RPAIN: variants seen among roughly 807,000 people sequenced by gnomAD.
RPAIN encodes the protein RPA-interacting protein.
In RPAIN, 29 loss-of-function variants were observed where a neutral mutation model predicts 30.5. That is an observed-to-expected ratio of 0.95 (90% CI 0.71 to 1.30). The LOEUF (loss-of-function observed/expected upper bound fraction) is 1.30. Ranked by LOEUF, RPAIN falls within the 50% of genes most tolerant of loss-of-function variation. The pLI is 0.00. For synonymous variants in RPAIN, 101 were observed against 93.5 expected (o/e 1.08, Z -0.46); for missense variants, 247 against 264.7 (o/e 0.93, Z 0.46).
At chr17:5,421,027 G>A (rs555703218) in intron 1 of RPAIN, among the ~76,000 whole-genome samples, 2 of 152,290 alleles carry the variant, frequency 1.3e-5, no homozygotes, top group East Asian at 3.9e-4. Context: ...TTCTGTAATA[G>A]GACATTGGAT....
rs373793848 is a variant in RPAIN, at chr17:5,432,546, G to C, written c.635G>C (p.Cys212Ser). The C allele has an allele frequency of 2.2e-5, 35 of 1,613,702 alleles. No homozygotes were observed. Among genetic ancestry groups the C allele is most frequent in the Non-Finnish European group, 2.9e-5 (34 of 1,179,692 alleles). ...TATTTTCCTGTTTAAACCTAGGCCT[G>C]TGATACTTGGGCTGTGATCCTCTAG... ...KSSLLMSCLA[C>S]DTWAVIL is the part of the protein sequence containing the mutation. The change falls in exon 7 of 7, where the codon TGT becomes TCT. Residue 212 changes from cysteine (C) to serine (S), a missense_variant. By Grantham distance (112) the Cys-to-Ser change is moderately radical (BLOSUM62 -1). Coordinates refer to ENST00000381209, the MANE Select transcript of RPAIN (RefSeq NM_001033002.4).
chr17:5,425,963 C>G lies in RPAIN; in HGVS notation c.314-8C>G. 6.3e-7 allele frequency: 1 copy of G among 1,598,070 alleles called. No individual in the cohort carries two copies. The highest frequency in any genetic ancestry group is 1.1e-5 in the South Asian group (1 of 90,376). ...TGGTGAAGCCCTCCAACTGCCTTTG[C>G]CTTGCAGAGCAGTCCATCATCAGCG... On this transcript the variant is annotated splice_region_variant and splice_polypyrimidine_tract_variant and intron_variant, in intron 3 of 6. Transcript: ENST00000381209.
In RPAIN at chr17:5,422,845, A is replaced by G; in HGVS notation, c.313+16A>G. 1.3e-6 allele frequency: 2 copies of G among 1,583,814 alleles called. No homozygotes were observed. The highest frequency in any genetic ancestry group is 8.7e-7 in the Non-Finnish European group (1 of 1,154,514). Reference sequence around the variant, plus strand: ...ATCAACCAAGGTAACCCCTAGTGGTAGTCCTTCCTTACCTGTATTTAGCTA... The same window carrying G: ...ATCAACCAAGGTAACCCCTAGTGGTGGTCCTTCCTTACCTGTATTTAGCTA... On this transcript the variant is annotated intron_variant, in intron 3 of 6. Coordinates refer to ENST00000381209, the MANE Select transcript of RPAIN (RefSeq NM_001033002.4).
chr17:5,429,077 TCATTAA>T (rs1000497587), intron 6 of RPAIN: 6 of 985,040 alleles, frequency 6.1e-6, no homozygotes, highest in African/African-American at 5.2e-5. Flanking sequence ...AATTGAGGAC[TCATTAA>T]CATTGAGAAA....
rs1915572512 is a variant in RPAIN, at chr17:5,428,089, C to G, written c.508C>G (p.Gln170Glu). The stretch of plus-strand genomic sequence containing the variant: ...TTTGTAGTCTTCTGAGTTGACAGAG[C>G]AGAAGCTTCGTGCCTGTTTAGAGGG... ...IPSHSSELTE[Q>E]KLRACLEGSI... Residue 170 changes from glutamine to glutamate, a missense_variant, in exon 6 of 7, where the codon CAG becomes GAG. Coordinates refer to ENST00000381209, the MANE Select transcript of RPAIN (RefSeq NM_001033002.4). The G allele has an allele frequency of 6.2e-7, 1 of 1,614,106 alleles. No individual in the cohort carries two copies. The highest frequency in any genetic ancestry group is 8.5e-7 in the Non-Finnish European group (1 of 1,180,002).
chr17:5,428,998 G>C (rs1432282117), intron 6 of RPAIN: 20 of 965,186 alleles, frequency 2.1e-5, no homozygotes, highest in Non-Finnish European at 2.5e-5. Flanking sequence ...AGCATTGCCT[G>C]GTAACAGCCA....
rs1296398072 is a variant in RPAIN, at chr17:5,420,237, C to T, written c.27C>T (p.Arg9=). MAESLRSP[R]RSLYKLVGSP... is the part of the protein sequence containing the mutation. Reference sequence around the variant, plus strand: ...TGGCGGAGTCGTTGAGGTCTCCGCGCCGCTCCCTGTACAAACTGGTGGGCT... The same window carrying T: ...TGGCGGAGTCGTTGAGGTCTCCGCGTCGCTCCCTGTACAAACTGGTGGGCT... Residue 9 remains arginine, a synonymous_variant, in exon 1 of 7, where the codon CGC becomes CGT. Coordinates refer to ENST00000381209, the MANE Select transcript of RPAIN (RefSeq NM_001033002.4). The T allele has an allele frequency of 5.6e-6, 9 of 1,613,838 alleles. No homozygotes were observed. Among genetic ancestry groups the T allele is most frequent in the Non-Finnish European group, 7.6e-6 (9 of 1,179,998 alleles).
At chr17:5,429,224 C>T in intron 6 of RPAIN, 1 of 984,830 alleles carries the variant, frequency 1.0e-6, no homozygotes, top group South Asian at 4.7e-5. Flanking sequence ...TATGGTGACA[C>T]CTTCCTGGAG....
chr17:5,422,376 C>A (rs1306619496), intron 2 of RPAIN, among the ~76,000 whole-genome samples: 3 of 152,146 alleles, frequency 2.0e-5, no homozygotes, highest in Non-Finnish European at 4.4e-5. Flanking sequence ...TGCAGTACAC[C>A]AATGTTTGCC....
intron 6 of RPAIN, chr17:5,431,661 G>A (rs780438794): frequency 2.0e-5 from 9 of 456,168 alleles, no homozygotes; most frequent in Non-Finnish European, 3.5e-5. Flanking sequence ...ACGTAGGGAC[G>A]CTCAGGACAG....
chr17:5,421,094 T>C (rs1386176089), intron 1 of RPAIN, among the ~76,000 whole-genome samples: 9 of 152,340 alleles, frequency 5.9e-5, no homozygotes, highest in South Asian at 2.1e-4. Context: ...ATAAAAAATA[T>C]GGTTCTTTGT....
rs192035143 is a variant in RPAIN, at chr17:5,425,098, A to T, written c.314-873A>T. The T allele has an allele frequency of 1.2e-4, 35 of 301,372 alleles. 1 individual carries two copies. Among genetic ancestry groups the T allele is most frequent in the Middle Eastern group, 1.2e-3 (1 of 844 alleles). The allele number at this position is 301,372 out of a possible 1,614,324, so 18.7% of individuals were successfully genotyped here. ...TTTCTCAGCTCTGCAGTTCTAGTGG[A>T]AAAGCAGTTATAGACACTACATAAA... On this transcript the variant is annotated intron_variant, in intron 3 of 6. Coordinates refer to ENST00000381209, the MANE Select transcript of RPAIN (RefSeq NM_001033002.4).
At position 5,422,840 on chromosome 17, in the gene RPAIN, G is replaced by A; in HGVS notation, c.313+11G>A. 6.3e-7 allele frequency: 1 copy of A among 1,598,636 alleles called. No individual in the cohort carries two copies. Among genetic ancestry groups the A allele is most frequent in the Non-Finnish European group, 8.6e-7 (1 of 1,167,198 alleles). On this transcript the variant is annotated intron_variant, in intron 3 of 6. Coordinates refer to ENST00000381209, the MANE Select transcript of RPAIN (RefSeq NM_001033002.4). The stretch of plus-strand genomic sequence containing the variant: ...AGCTGATCAACCAAGGTAACCCCTA[G>A]TGGTAGTCCTTCCTTACCTGTATTT...
chr17:5,426,310 C>T lies in RPAIN; in HGVS notation c.489+11C>T. The T allele has an allele frequency of 6.2e-7, 1 of 1,609,134 alleles. No individual in the cohort carries two copies. ...TCCATCCCATCTCATGTGAGTGTTC[C>T]ACACACAGATTTCATGATACTTCTT... On this transcript the variant is annotated intron_variant, in intron 5 of 6. Coordinates refer to ENST00000381209, the MANE Select transcript of RPAIN (RefSeq NM_001033002.4).
rs1916118626 is a variant in RPAIN at position 5,432,832 on chromosome 17, A to ATAGAT, written c.*263_*267dup. 1 of 908,538 alleles carries ATAGAT rather than the reference A, an allele frequency of 1.1e-6. No homozygotes were observed. Among genetic ancestry groups the ATAGAT allele is most frequent in the South Asian group, 2.1e-5 (1 of 46,676 alleles). The allele number at this position is 908,538 out of a possible 1,614,324, so 56.3% of individuals were successfully genotyped here. ...CATGTTATACAAAAATCTAGAAATA[A>ATAGAT]TAGATTTGTACAGAAAAAAATGATA... On this transcript the variant is annotated 3_prime_UTR_variant, in exon 7 of 7. Transcript: ENST00000381209.
At position 5,428,623 on chromosome 17, in the gene RPAIN, G is replaced by T. The variant is rs796439341; in HGVS notation, c.630+412G>T. 21 of 878,432 alleles carry T rather than the reference G, an allele frequency of 2.4e-5. 1 individual carries two copies. The African/African-American group carries it at 3.1e-4, about 13-fold the overall frequency. The allele number at this position is 878,432 out of a possible 1,614,324, so 54.4% of individuals were successfully genotyped here. ...GTCTGTCAGTGGAGTTTTTACAGAG[G>T]TCCAAGGGCTATTCGCTAACCTGAG... On this transcript the variant is annotated intron_variant, in intron 6 of 6. Coordinates refer to ENST00000381209, the MANE Select transcript of RPAIN (RefSeq NM_001033002.4).
chr17:5,432,686 A>G lies in RPAIN; in HGVS notation c.*115A>G. ...TTATTTTGTATTGAAACTTTTAAAC[A>G]ATACTGAAGAAAAAAAAACTTTTCC... On this transcript the variant is annotated 3_prime_UTR_variant, in exon 7 of 7. Transcript: ENST00000381209. 1 of 1,096,100 alleles carries G rather than the reference A, an allele frequency of 9.1e-7. No individual in the cohort carries two copies. 67.9% of individuals were successfully genotyped at this position (1,096,100 alleles called of 1,614,324 possible).
chr17:5,422,365 C>T (rs1044928307), intron 2 of RPAIN, among the ~76,000 whole-genome samples: 1 of 152,160 alleles, frequency 6.6e-6, no homozygotes, highest in Non-Finnish European at 1.5e-5. Context: ...TTTGTGTGTC[C>T]TGCAGTACAC....
rs1240149158 is a variant in RPAIN, at chr17:5,426,060, C to T, written c.403C>T (p.Leu135Phe). ...IMLAEWEANPLICPVCTKYNL... is the reference protein window; with the variant it reads ...IMLAEWEANPFICPVCTKYNL... ...GCTGGCTGAGTGGGAGGCAAACCCA[C>T]TCATCTGTCCTGTATGTACAAAGTA... Residue 135 changes from leucine to phenylalanine, a missense_variant, in exon 4 of 7, where the codon CTC becomes TTC. By Grantham distance (22) the Leu-to-Phe change is conservative. Coordinates refer to ENST00000381209, the MANE Select transcript of RPAIN (RefSeq NM_001033002.4). 2 of 1,612,738 alleles carry T rather than the reference C, an allele frequency of 1.2e-6. No individual in the cohort carries two copies. Among genetic ancestry groups the T allele is most frequent in the Non-Finnish European group, 1.7e-6 (2 of 1,178,966 alleles).
Sources: gnomAD v4.1 joint callset for allele counts (sites outside exome capture counted in the v4.1 genomes callset) on GRCh38, gnomAD v4.1.1 for gene constraint, MANE v1.5 for transcripts, NCBI Gene and HGNC (gene_info 2026-07-23, HGNC 2026-07-21) for gene names.